The following SEMA6A variants were observed in gnomAD, a reference collection of about 807,000 sequenced individuals.
SEMA6A encodes semaphorin 6A, also known as semaphorin-6A.
SEMA6A carries 25 observed loss-of-function variants against 96.8 expected under a neutral mutation model. The ratio of observed to expected loss-of-function variants is 0.26; its 90% CI spans 0.19 to 0.36. The LOEUF (loss-of-function observed/expected upper bound fraction) is 0.36. Ranked by LOEUF, SEMA6A falls within the 10% of genes least tolerant of loss-of-function variation. The pLI is 1.00. For synonymous variants in SEMA6A, 612 were observed against 518.0 expected (o/e 1.18, Z -2.46); for missense variants, 1,363 against 1,323.1 (o/e 1.03, Z -0.47).
At chr5:116,489,912 C>A (rs1757250885) in intron 7 of SEMA6A, among the ~76,000 whole-genome samples, 1 of 151,994 alleles carries the variant, frequency 6.6e-6, no homozygotes, top group African/African-American at 2.4e-5. Flanking sequence ...GAATTATATT[C>A]AAAATAAAAA....
At position 116,489,675 on chromosome 5, in the gene SEMA6A, A is replaced by C. The variant is rs186416788; in HGVS notation, c.536-668T>G. On this transcript the variant is annotated intron_variant, in intron 7 of 18. Transcript: ENST00000343348. ...AAACACAGCTTGGCTAAAGCCAAGA[A>C]GAAAGGGGAAGGGGTTACGCTGAGT... Among the ~76,000 whole-genome samples the C allele has an allele frequency of 4.7e-4, 71 of 152,348 alleles. No individual in the cohort carries two copies. The South Asian group carries it at 6.2e-3, about 13-fold the overall frequency.
chr5:116,480,079 GA>G, intron 12 of SEMA6A, 42 bp downstream of exon 12: 1 of 1,604,658 alleles, frequency 6.2e-7, no homozygotes, highest in Non-Finnish European at 8.5e-7. Context: ...GACATGAGAT[GA>G]AGTTAGGAAA....
At chr5:116,513,375 C>A (rs1488591316) in intron 1 of SEMA6A, among the ~76,000 whole-genome samples, 1 of 152,148 alleles carries the variant, frequency 6.6e-6, no homozygotes, top group African/African-American at 2.4e-5. Flanking sequence ...GATCTGCCCG[C>A]CTCAGCCTCC....
chr5:116,563,245 C>T (rs1376900073), intron 1 of SEMA6A, among the ~76,000 whole-genome samples: 1 of 152,144 alleles, frequency 6.6e-6, no homozygotes, highest in Admixed American at 6.5e-5. Context: ...GGAATGGCCT[C>T]GAATCCAGCC....
At chr5:116,494,997 T>C (rs1016864287) in intron 6 of SEMA6A, among the ~76,000 whole-genome samples, 5 of 152,214 alleles carry the variant, frequency 3.3e-5, no homozygotes, top group African/African-American at 1.2e-4. Context: ...TGTAGGAAAG[T>C]CTACGGTTTC....
intron 6 of SEMA6A, chr5:116,492,476 G>T (rs1757376970): frequency 6.6e-6 from 1 of 152,238 alleles, no homozygotes; most frequent in African/African-American, 2.4e-5. Context: ...AGACTTCACA[G>T]CAGCAGCTCC....
intron 1 of SEMA6A, among the ~76,000 whole-genome samples, chr5:116,512,352 G>T (rs1758448174): frequency 6.6e-6 from 1 of 152,252 alleles, no homozygotes; most frequent in East Asian, 1.9e-4. Flanking sequence ...AAAGCATCTG[G>T]TCTTTCTTTC....
intron 1 of SEMA6A, among the ~76,000 whole-genome samples, chr5:116,551,538 T>C (rs1373149374): frequency 1.1e-4 from 17 of 152,096 alleles, no homozygotes; most frequent in Admixed American, 1.0e-3. Flanking sequence ...CTATTACTAC[T>C]CCATCTTACA....
intron 6 of SEMA6A, among the ~76,000 whole-genome samples, chr5:116,494,270 C>T (rs1453394819): frequency 6.6e-6 from 1 of 152,184 alleles, no homozygotes; most frequent in Non-Finnish European, 1.5e-5. Flanking sequence ...CATGCTGTTC[C>T]CTGCTAACTG....
At chr5:116,525,606 C>T (rs1759186552) in intron 1 of SEMA6A, among the ~76,000 whole-genome samples, 1 of 152,224 alleles carries the variant, frequency 6.6e-6, no homozygotes, top group Admixed American at 6.5e-5. Flanking sequence ...GTGTCTTGCA[C>T]TGGAGCTGCC....
intron 1 of SEMA6A, chr5:116,507,943 A>G (rs1580452393): frequency 6.6e-6 from 1 of 152,196 alleles, no homozygotes; most frequent in Admixed American, 6.5e-5. Flanking sequence ...TTTAATAGGC[A>G]TCTGCTTGGT....
chr5:116,525,162 G>A (rs948888313), intron 1 of SEMA6A, among the ~76,000 whole-genome samples: 1 of 152,122 alleles, frequency 6.6e-6, no homozygotes, highest in Non-Finnish European at 1.5e-5. Context: ...CTGTGTGCCA[G>A]GCATGTTCCC....
At chr5:116,484,592 C>G (rs1756948635) in intron 10 of SEMA6A, among the ~76,000 whole-genome samples, 1 of 151,944 alleles carries the variant, frequency 6.6e-6, no homozygotes, top group Admixed American at 6.6e-5. Flanking sequence ...CATTGCACTC[C>G]AGCCTGGGTG....
At chr5:116,447,889 TA>T in intron 18 of SEMA6A, 78 bp from the exon 19 acceptor site, 1 of 1,197,176 alleles carries the variant, frequency 8.4e-7, no homozygotes. Flanking sequence ...TTCACCTTGT[TA>T]ATTAATAACA....
At chr5:116,473,051 AT>A in intron 17 of SEMA6A, 21 bp downstream of exon 17, 1 of 1,586,464 alleles carries the variant, frequency 6.3e-7, no homozygotes, top group Non-Finnish European at 8.6e-7. Flanking sequence ...GTATGGAATT[AT>A]GAGAGTAATA....
intron 11 of SEMA6A, 96 bp from the exon 12 acceptor site, chr5:116,480,373 G>T: frequency 6.9e-7 from 1 of 1,450,906 alleles, no homozygotes; most frequent in East Asian, 2.3e-5. Flanking sequence ...CTGGAATGGA[G>T]GAGAATGTAC....
intron 6 of SEMA6A, among the ~76,000 whole-genome samples, 191 bp downstream of exon 6, chr5:116,495,222 A>C (rs1419890884): frequency 1.3e-5 from 2 of 152,230 alleles, no homozygotes; most frequent in Non-Finnish European, 2.9e-5. Flanking sequence ...AGATGTGTCA[A>C]TCAATCCTGA....
intron 10 of SEMA6A, among the ~76,000 whole-genome samples, chr5:116,484,618 G>A (rs759077577): frequency 1.3e-5 from 2 of 148,866 alleles, no homozygotes; most frequent in African/African-American, 2.5e-5. Flanking sequence ...GCGAGACTCC[G>A]TCTCAGGAAA....
chr5:116,478,946 GTGT>G, intron 12 of SEMA6A, among the ~76,000 whole-genome samples: 1 of 151,670 alleles, frequency 6.6e-6, no homozygotes, highest in African/African-American at 2.4e-5. Context: ...GTGTGTGTGT[GTGT>G]GTGTGTGTGT....
Sources: allele counts gnomAD v4.1 joint callset (sites outside exome capture counted in the v4.1 genomes callset), GRCh38; gene constraint gnomAD v4.1.1; transcripts MANE v1.5; gene names NCBI Gene and HGNC (gene_info 2026-07-23, HGNC 2026-07-21).